RMND1: variants seen among roughly 807,000 people sequenced by gnomAD.
RMND1 encodes required for meiotic nuclear division protein 1 homolog.
In RMND1, 41 loss-of-function variants were observed where a neutral mutation model predicts 54.0. The observed-to-expected ratio is 0.76, with a 90% CI of 0.59 to 0.98. The LOEUF (loss-of-function observed/expected upper bound fraction) is 0.98. Among genes scored for constraint, RMND1 ranks in the 50% least tolerant of loss-of-function variants. The probability of loss-of-function intolerance (pLI) is 0.00; values close to 1 mark genes in which losing one functional copy is unlikely to be tolerated. For synonymous variants in RMND1, 183 were observed against 181.7 expected (o/e 1.01, Z -0.06); for missense variants, 457 against 532.0 (o/e 0.86, Z 1.39).
chr6:151,437,985 G>C (rs1419879154), intron 2 of RMND1, among the ~76,000 whole-genome samples: 2 of 152,182 alleles, frequency 1.3e-5, no homozygotes, highest in African/African-American at 4.8e-5. Flanking sequence ...GGGGATAAAT[G>C]GATGTAGTAC....
intron 3 of RMND1, among the ~76,000 whole-genome samples, chr6:151,433,983 C>T (rs970697518): frequency 3.9e-4 from 49 of 126,706 alleles, no homozygotes; most frequent in African/African-American, 1.4e-3. Flanking sequence ...GTAGCTTAGA[C>T]TACAGGCATG....
At chr6:151,423,008 G>C (rs1432599232) in intron 7 of RMND1, among the ~76,000 whole-genome samples, 2 of 152,210 alleles carry the variant, frequency 1.3e-5, no homozygotes, top group Non-Finnish European at 2.9e-5. Context: ...CTCAGAGTGG[G>C]ATGGACAGGA....
At chr6:151,418,109 A>G (rs77611964) in intron 9 of RMND1, among the ~76,000 whole-genome samples, 35,358 of 152,024 alleles carry the variant, frequency 0.23, 6,451 homozygotes, top group African/African-American at 0.52. Flanking sequence ...CCCAGCCTAA[A>G]CTTTTTTTAT....
intron 8 of RMND1, among the ~76,000 whole-genome samples, chr6:151,421,623 C>T (rs1423096414): frequency 6.6e-6 from 1 of 152,066 alleles, no homozygotes; most frequent in African/African-American, 2.4e-5. Context: ...ATTACTCTTT[C>T]ACAATAAAGA....
At chr6:151,417,043 GA>G in intron 10 of RMND1, 1 of 355,644 alleles carries the variant, frequency 2.8e-6, no homozygotes, top group South Asian at 5.4e-5. Flanking sequence ...CTTACTGATG[GA>G]CCATTAGGCT....
At chr6:151,433,572 ACTT>A (rs1215972999) in intron 3 of RMND1, among the ~76,000 whole-genome samples, 1 of 152,178 alleles carries the variant, frequency 6.6e-6, no homozygotes, top group African/African-American at 2.4e-5. Flanking sequence ...CAAGAATTAA[ACTT>A]CTTTCTACAA....
At chr6:151,423,685 T>C in intron 6 of RMND1, 54 bp from the exon 7 acceptor site, 2 of 1,255,222 alleles carry the variant, frequency 1.6e-6, no homozygotes, top group Non-Finnish European at 2.3e-6. Context: ...ACTTTAACTT[T>C]TCCTTTGAAA....
chr6:151,451,212 A>G (rs576990077), intron 1 of RMND1, among the ~76,000 whole-genome samples: 14 of 151,768 alleles, frequency 9.2e-5, no homozygotes, highest in Admixed American at 6.6e-4. Context: ...AAAAAAAAAA[A>G]AAAAAAACAC....
intron 6 of RMND1, among the ~76,000 whole-genome samples, chr6:151,424,042 A>T (rs1031904936): frequency 6.6e-6 from 1 of 151,890 alleles, no homozygotes; most frequent in Non-Finnish European, 1.5e-5. Context: ...ATAGAGATAG[A>T]GTTTCACCAT....
chr6:151,438,487 G>C (rs370707456), intron 2 of RMND1, among the ~76,000 whole-genome samples: 1 of 152,208 alleles, frequency 6.6e-6, no homozygotes, highest in East Asian at 1.9e-4. Context: ...GGCAGAGGCT[G>C]TCTCTTTTGC....
At chr6:151,415,948 T>A (rs1470378956) in intron 10 of RMND1, among the ~76,000 whole-genome samples, 1 of 151,900 alleles carries the variant, frequency 6.6e-6, no homozygotes, top group African/African-American at 2.4e-5. Flanking sequence ...CAGGGTAGCA[T>A]GAGGAAAAGT....
chr6:151,437,815 C>T (rs1172678019), intron 2 of RMND1, among the ~76,000 whole-genome samples: 1 of 152,116 alleles, frequency 6.6e-6, no homozygotes, highest in African/African-American at 2.4e-5. Context: ...CAATCTGTTC[C>T]ACAGCTCTGA....
intron 5 of RMND1, among the ~76,000 whole-genome samples, chr6:151,427,991 A>AT (rs1780350355): frequency 6.6e-6 from 1 of 152,138 alleles, no homozygotes; most frequent in African/African-American, 2.4e-5. Flanking sequence ...AAATACAAAA[A>AT]TTATCTGGGT....
At chr6:151,407,227 T>G (rs1349720445) in intron 10 of RMND1, among the ~76,000 whole-genome samples, 2 of 152,160 alleles carry the variant, frequency 1.3e-5, no homozygotes, top group African/African-American at 4.8e-5. Context: ...TGCCCCTATT[T>G]CCAGGCGTTA....
intron 1 of RMND1, among the ~76,000 whole-genome samples, chr6:151,449,060 CAAAA>C (rs71014585): frequency 2.1e-4 from 4 of 18,662 alleles, no homozygotes; most frequent in African/African-American, 5.0e-4. Context: ...GACTCTGTCT[CAAAA>C]AAAAAAAAAA....
chr6:151,410,214 C>A (rs1026953134), intron 10 of RMND1, among the ~76,000 whole-genome samples: 1 of 152,028 alleles, frequency 6.6e-6, no homozygotes, highest in Non-Finnish European at 1.5e-5. Context: ...GCCACCACGC[C>A]CAGCTAATTT....
chr6:151,421,353 AC>A, intron 8 of RMND1, 32 bp from the exon 9 acceptor site: 1 of 1,499,298 alleles, frequency 6.7e-7, no homozygotes, highest in Non-Finnish European at 9.2e-7. Flanking sequence ...AAACCAAAAA[AC>A]CATGTATCTC....
At chr6:151,439,508 CAG>C (rs1780709515) in intron 2 of RMND1, among the ~76,000 whole-genome samples, 1 of 152,208 alleles carries the variant, frequency 6.6e-6, no homozygotes, top group South Asian at 2.1e-4. Flanking sequence ...CTAACCAACA[CAG>C]ACTTCTTACT....
At position 151,451,198 on chromosome 6, in the gene RMND1, TAAA is replaced by T. The variant is rs58457871; in HGVS notation, c.-15+815_-15+817del. ...GCGAGAAACACCCAAGAATGATCAA[TAAA>T]AAAAAAAAAAAAAAAAAACACAACC... On this transcript the variant is annotated intron_variant, in intron 1 of 11. Coordinates refer to ENST00000444024, the MANE Select transcript of RMND1 (RefSeq NM_017909.4). 5.3e-3 allele frequency among the ~76,000 whole-genome samples: 602 copies of T among 113,356 alleles called. 4 individuals carry two copies. The highest frequency in any genetic ancestry group is 0.016 in the African/African-American group (520 of 32,794). 74.4% of individuals were successfully genotyped at this position (113,356 alleles called of 152,430 possible). A position where few individuals can be genotyped will look rare whatever the true frequency, so the allele number is the denominator to read the frequency against.
Sources: allele counts gnomAD v4.1 joint callset (sites outside exome capture counted in the v4.1 genomes callset), GRCh38; gene constraint gnomAD v4.1.1; transcripts MANE v1.5; gene names NCBI Gene and HGNC (gene_info 2026-07-23, HGNC 2026-07-21).